Variants in KLHL1 observed in about 807,000 individuals in gnomAD.
KLHL1 encodes kelch like family member 1.
A neutral mutation model predicts 77.7 loss-of-function variants in KLHL1; 47 were observed. That is an observed-to-expected ratio of 0.60 (90% CI 0.48 to 0.77). The LOEUF is 0.77. KLHL1 is among the 30% of genes least tolerant of loss of function. The pLI is 0.00. For missense variants in KLHL1, 925 were observed against 910.8 expected (o/e 1.02, Z -0.20); for synonymous variants, 360 against 325.2 (o/e 1.11, Z -1.15).
chr13:70,073,915 T>C (rs537200777), intron 1 of KLHL1, among the ~76,000 whole-genome samples: 1 of 151,802 alleles, frequency 6.6e-6, no homozygotes, highest in African/African-American at 2.4e-5. Context: ...AGCCTCCACC[T>C]CCTGGGTTCA....
intron 6 of KLHL1, among the ~76,000 whole-genome samples, chr13:69,809,062 C>G (rs1301090285): frequency 6.6e-6 from 1 of 152,014 alleles, no homozygotes; most frequent in African/African-American, 2.4e-5. Context: ...AATATGGGAT[C>G]ATGTAAAACA....
intron 5 of KLHL1, among the ~76,000 whole-genome samples, chr13:69,855,309 TA>T (rs1471393817): frequency 8.4e-6 from 1 of 118,888 alleles, no homozygotes; most frequent in Non-Finnish European, 1.7e-5. Flanking sequence ...GATAGATAGA[TA>T]GATAGATAGA....
chr13:69,959,939 G>A (rs1268178405), intron 3 of KLHL1, among the ~76,000 whole-genome samples: 1 of 151,520 alleles, frequency 6.6e-6, no homozygotes, highest in Non-Finnish European at 1.5e-5. Flanking sequence ...ACTGAGTTTG[G>A]GTCTCTCTCC....
chr13:70,001,704 C>A (rs192694312), intron 1 of KLHL1, among the ~76,000 whole-genome samples: 7 of 142,754 alleles, frequency 4.9e-5, no homozygotes, highest in East Asian at 4.3e-4. Context: ...TATCATCTTT[C>A]TACTATCTTC....
At chr13:70,087,399 A>C (rs567859424) in intron 1 of KLHL1, among the ~76,000 whole-genome samples, 1 of 152,336 alleles carries the variant, frequency 6.6e-6, no homozygotes, top group South Asian at 2.1e-4. Context: ...TCTAACAGTC[A>C]ACCAAGAGTA....
intron 5 of KLHL1, among the ~76,000 whole-genome samples, chr13:69,843,272 CA>C (rs548457395): frequency 6.0e-5 from 9 of 150,840 alleles, no homozygotes; most frequent in African/African-American, 1.9e-4. Flanking sequence ...AAGCAAAAGA[CA>C]AAAAAATAGA....
rs534379924 is a variant in KLHL1, at chr13:70,097,246, A to G, written c.497+9957T>C. On this transcript the variant is annotated intron_variant, in intron 1 of 10. Transcript: ENST00000377844. ...AAAATCTTACAAATGTGAGTCCTATAAGGCATTTGCTATATCAAGAATAGA... is the reference window on the plus strand; with the variant it reads ...AAAATCTTACAAATGTGAGTCCTATGAGGCATTTGCTATATCAAGAATAGA... Among the ~76,000 whole-genome samples, 20 of 152,144 alleles carry G rather than the reference A, an allele frequency of 1.3e-4. 1 individual carries two copies. In the East Asian group the frequency reaches 2.5e-3, roughly 19 times the overall value.
At chr13:69,832,654 A>G (rs1878807623) in intron 6 of KLHL1, among the ~76,000 whole-genome samples, 1 of 135,742 alleles carries the variant, frequency 7.4e-6, no homozygotes, top group African/African-American at 3.1e-5. Flanking sequence ...CTAAACAACA[A>G]CAACAACAAC....
At chr13:70,074,444 C>T (rs1038239633) in intron 1 of KLHL1, among the ~76,000 whole-genome samples, 63 of 151,944 alleles carry the variant, frequency 4.1e-4, no homozygotes, top group Non-Finnish European at 7.3e-5. Flanking sequence ...GTGGTACTCC[C>T]CACCCCCACA....
At chr13:69,745,462 C>T (rs1350333242) in intron 7 of KLHL1, among the ~76,000 whole-genome samples, 1 of 151,820 alleles carries the variant, frequency 6.6e-6, no homozygotes, top group African/African-American at 2.4e-5. Context: ...TTTTCACTTT[C>T]TTAATCTTGT....
intron 4 of KLHL1, among the ~76,000 whole-genome samples, chr13:69,907,938 A>G (rs1289871958): frequency 6.6e-6 from 1 of 152,098 alleles, no homozygotes; most frequent in African/African-American, 2.4e-5. Context: ...GGGAGAATCT[A>G]TTTCAGCCAC....
chr13:70,040,035 T>C (rs1047839834), intron 1 of KLHL1, among the ~76,000 whole-genome samples: 3 of 152,196 alleles, frequency 2.0e-5, no homozygotes, highest in Admixed American at 2.0e-4. Flanking sequence ...AATCCCCTTA[T>C]GCCAACATTT....
chr13:69,783,483 G>C (rs930482808), intron 7 of KLHL1, among the ~76,000 whole-genome samples: 3 of 152,086 alleles, frequency 2.0e-5, no homozygotes, highest in African/African-American at 7.2e-5. Flanking sequence ...GTCCTTAAAG[G>C]AGCTGATGGA....
rs541840799 is a variant in KLHL1 at position 70,083,783 on chromosome 13, T to C, written c.497+23420A>G. On this transcript the variant is annotated intron_variant, in intron 1 of 10. Transcript: ENST00000377844. The stretch of plus-strand genomic sequence containing the variant: ...CTACTCCACTTACAAAATTTGTAAG[T>C]CTGAATTACAAAGAAATCATTTTAT... Among the ~76,000 whole-genome samples, 21 of 152,234 alleles carry C rather than the reference T, an allele frequency of 1.4e-4. No homozygotes were observed. The East Asian group carries it at 1.7e-3, about 13-fold the overall frequency.
intron 7 of KLHL1, among the ~76,000 whole-genome samples, chr13:69,776,197 G>A (rs1260346454): frequency 1.3e-5 from 2 of 152,010 alleles, no homozygotes; most frequent in African/African-American, 4.8e-5. Context: ...TTCTTATGGA[G>A]AATCTCATAT....
chr13:70,047,317 G>A (rs1886525956), intron 1 of KLHL1, among the ~76,000 whole-genome samples: 1 of 149,696 alleles, frequency 6.7e-6, no homozygotes, highest in African/African-American at 2.5e-5. Context: ...AACAAAAACA[G>A]AGACTGTATT....
At chr13:69,967,780 G>A (rs927221508) in intron 2 of KLHL1, among the ~76,000 whole-genome samples, 2 of 151,916 alleles carry the variant, frequency 1.3e-5, no homozygotes, top group Non-Finnish European at 2.9e-5. Flanking sequence ...AGCTACTCAG[G>A]TGGCTGAGGC....
chr13:70,032,027 C>T (rs1330091448), intron 1 of KLHL1, among the ~76,000 whole-genome samples: 1 of 152,084 alleles, frequency 6.6e-6, no homozygotes, highest in African/African-American at 2.4e-5. Flanking sequence ...TTAGGTGTTA[C>T]AAAGGCATGG....
At chr13:69,835,396 A>G (rs1878946347) in intron 6 of KLHL1, among the ~76,000 whole-genome samples, 1 of 152,176 alleles carries the variant, frequency 6.6e-6, no homozygotes, top group Non-Finnish European at 1.5e-5. Context: ...GAAACCAGAG[A>G]GAGAGCTAAA....
Sources: gnomAD v4.1 joint callset for allele counts (sites outside exome capture counted in the v4.1 genomes callset) on GRCh38, gnomAD v4.1.1 for gene constraint, MANE v1.5 for transcripts, NCBI Gene and HGNC (gene_info 2026-07-23, HGNC 2026-07-21) for gene names.